RNLS: variants seen among roughly 807,000 people sequenced by gnomAD.
The protein encoded by RNLS is renalase.
In RNLS, 39 loss-of-function variants were observed where a neutral mutation model predicts 39.8. That is an observed-to-expected ratio of 0.98 (90% confidence interval 0.76 to 1.28). RNLS has a LOEUF of 1.28. Ranked by LOEUF, RNLS falls within the 50% of genes most tolerant of loss-of-function variation. The probability of loss-of-function intolerance (pLI) is 0.00; values close to 1 mark genes in which losing one functional copy is unlikely to be tolerated. For missense variants in RNLS, 410 were observed against 413.3 expected, an observed-to-expected ratio of 0.99 and a Z score of 0.07; for synonymous variants, 147 against 150.7, an observed-to-expected ratio of 0.98 and a Z score of 0.18.
At chr10:88,366,820 CT>C (rs1841916749) in intron 4 of RNLS, among the ~76,000 whole-genome samples, 1 of 151,626 alleles carries the variant, frequency 6.6e-6, no homozygotes, top group South Asian at 2.1e-4. Context: ...ACCAATTTAC[CT>C]TTTGCACTAG....
At chr10:88,548,359 A>C (rs992614055) in intron 4 of RNLS, among the ~76,000 whole-genome samples, 1 of 148,872 alleles carries the variant, frequency 6.7e-6, no homozygotes, top group African/African-American at 2.5e-5. Flanking sequence ...TAATAGAATC[A>C]TATGTAAAAA....
the RNLS span, among the ~76,000 whole-genome samples, chr10:88,249,811 A>G: frequency 6.6e-6 from 1 of 152,224 alleles, no homozygotes; most frequent in East Asian, 1.9e-4. Flanking sequence ...TTCTGAAGTC[A>G]TTCAGCATCA....
chr10:88,255,966 C>T, the RNLS span, among the ~76,000 whole-genome samples: 1 of 152,202 alleles, frequency 6.6e-6, no homozygotes, highest in African/African-American at 2.4e-5. Flanking sequence ...ACGCAGAACT[C>T]ATCTTCCTCT....
intron 4 of RNLS, among the ~76,000 whole-genome samples, chr10:88,524,556 C>T (rs1846964944): frequency 6.6e-6 from 1 of 151,934 alleles, no homozygotes; most frequent in African/African-American, 2.4e-5. Flanking sequence ...TAAAATAATC[C>T]TATTTTCTAT....
In RNLS at chr10:88,284,162, G is replaced by A; in HGVS notation, c.*1192C>T. The A allele has an allele frequency of 2.0e-6, 2 of 985,178 alleles. No homozygotes were observed. Among genetic ancestry groups the A allele is most frequent in the Non-Finnish European group, 2.4e-6 (2 of 829,810 alleles). 61.0% of individuals were successfully genotyped at this position (985,178 alleles called of 1,614,324 possible). On this transcript the variant is annotated 3_prime_UTR_variant, in exon 7 of 7. Coordinates refer to ENST00000331772, the MANE Select transcript of RNLS (RefSeq NM_001031709.3). ...AGGAAACATATAATAATATGCTATA[G>A]GGTCATAAAACCCACTTTGCAGCTA...
At chr10:88,267,396 C>T in the RNLS span, among the ~76,000 whole-genome samples, 5 of 152,204 alleles carry the variant, frequency 3.3e-5, no homozygotes, top group Middle Eastern at 3.4e-3. Context: ...GGCAACATAG[C>T]GAGACCCCCT....
chr10:88,367,891 T>G (rs905468751), intron 4 of RNLS, among the ~76,000 whole-genome samples: 2 of 152,146 alleles, frequency 1.3e-5, no homozygotes, highest in Non-Finnish European at 2.9e-5. Context: ...CTTTATATAT[T>G]GTGGATATGA....
At chr10:88,369,023 T>C (rs913977971) in intron 4 of RNLS, among the ~76,000 whole-genome samples, 52 of 152,270 alleles carry the variant, frequency 3.4e-4, no homozygotes, top group African/African-American at 1.2e-3. Context: ...TATTTTCTCT[T>C]TTGCAAACAG....
chr10:88,508,463 T>C (rs1845915868), intron 4 of RNLS, among the ~76,000 whole-genome samples: 1 of 152,210 alleles, frequency 6.6e-6, no homozygotes, highest in Non-Finnish European at 1.5e-5. Context: ...TAGTGAATAC[T>C]CAGTACATGT....
At chr10:88,583,045 C>G (rs904272493) in intron 1 of RNLS, 28 bp downstream of exon 1, 4 of 1,603,448 alleles carry the variant, frequency 2.5e-6, no homozygotes, top group Non-Finnish European at 3.4e-6. Context: ...GTCCTCTTTT[C>G]CCAGGTTTTG....
chr10:88,492,564 G>A (rs755799892), intron 4 of RNLS, among the ~76,000 whole-genome samples: 3 of 151,666 alleles, frequency 2.0e-5, no homozygotes, highest in Non-Finnish European at 4.4e-5. Context: ...GATTAAAGGT[G>A]TGCACCACCA....
At chr10:88,240,175 A>G in the RNLS span, among the ~76,000 whole-genome samples, 2 of 152,170 alleles carry the variant, frequency 1.3e-5, no homozygotes, top group African/African-American at 4.8e-5. Flanking sequence ...CTATATACTT[A>G]CAAGGTAACC....
intron 4 of RNLS, among the ~76,000 whole-genome samples, chr10:88,432,368 T>C (rs1442713415): frequency 6.6e-6 from 1 of 151,930 alleles, no homozygotes; most frequent in East Asian, 1.9e-4. Context: ...AGTGTGTTTG[T>C]TTTTGGCAGC....
the RNLS span, among the ~76,000 whole-genome samples, chr10:88,203,408 A>G: frequency 2.2e-4 from 1 of 4,648 alleles, no homozygotes; most frequent in African/African-American, 4.6e-4. Flanking sequence ...ATATATATAT[A>G]TATACACGTA....
At chr10:88,430,439 G>C (rs1855063854) in intron 4 of RNLS, among the ~76,000 whole-genome samples, 1 of 151,766 alleles carries the variant, frequency 6.6e-6, no homozygotes, top group Non-Finnish European at 1.5e-5. Flanking sequence ...TCTGTAAATA[G>C]AGACAGCTTT....
At chr10:88,567,905 C>A (rs564795349) in intron 4 of RNLS, among the ~76,000 whole-genome samples, 1 of 152,244 alleles carries the variant, frequency 6.6e-6, no homozygotes, top group Non-Finnish European at 1.5e-5. Context: ...ATTTCTCTAT[C>A]AAAACCAAGG....
At chr10:88,531,445 G>A (rs140173943) in intron 4 of RNLS, among the ~76,000 whole-genome samples, 168 of 152,052 alleles carry the variant, frequency 1.1e-3, no homozygotes, top group Non-Finnish European at 1.0e-3. Context: ...GGTACATTAC[G>A]ATTCCACTTA....
Position 88,355,638 on chromosome 10 carries a change from G to A in RNLS, c.700+6914C>T, listed in dbSNP as rs192235354. Among the ~76,000 whole-genome samples, 117 of 152,242 alleles carry A rather than the reference G, an allele frequency of 7.7e-4. 1 individual carries two copies. The highest frequency in any genetic ancestry group is 1.7e-3 in the African/African-American group (72 of 41,548). On this transcript the variant is annotated intron_variant, in intron 5 of 6. Coordinates refer to ENST00000331772, the MANE Select transcript of RNLS (RefSeq NM_001031709.3). Reference sequence around the variant, plus strand: ...TCTGCCCCTACTGAGGGGTGCCTCCGAGATAGGCTACTCGGGGGTCAGGGG... The same window carrying A: ...TCTGCCCCTACTGAGGGGTGCCTCCAAGATAGGCTACTCGGGGGTCAGGGG...
At position 88,284,835 on chromosome 10, in the gene RNLS, A is replaced by T. The variant is rs1019419808; in HGVS notation, c.*519T>A. 1.0e-6 allele frequency: 1 copy of T among 985,276 alleles called. No homozygotes were observed. The highest frequency in any genetic ancestry group is 1.2e-6 in the Non-Finnish European group (1 of 829,938). The allele number at this position is 985,276 out of a possible 1,614,324, so 61.0% of individuals were successfully genotyped here. A position where few individuals can be genotyped will look rare whatever the true frequency, so the allele number is the denominator to read the frequency against. ...TGACATATATGACCTACAATTCAGG[A>T]TCACTTAATAACTTGGGGGATAAAT... On this transcript the variant is annotated 3_prime_UTR_variant, in exon 7 of 7. Transcript: ENST00000331772.
Sources: gnomAD v4.1 joint callset for allele counts (sites outside exome capture counted in the v4.1 genomes callset) on GRCh38, gnomAD v4.1.1 for gene constraint, MANE v1.5 for transcripts, NCBI Gene and HGNC (gene_info 2026-07-23, HGNC 2026-07-21) for gene names.